Variants in CCNYL1 observed in about 807,000 individuals in gnomAD.
The protein encoded by CCNYL1 is cyclin Y like 1.
In CCNYL1, 16 loss-of-function variants were observed where a neutral mutation model predicts 44.2. The ratio of observed to expected loss-of-function variants is 0.36; its 90% CI spans 0.25 to 0.55. The LOEUF is 0.55. Among genes scored for constraint, CCNYL1 ranks in the 20% least tolerant of loss-of-function variants. The pLI is 0.85. For missense variants in CCNYL1, 348 were observed against 451.8 expected (o/e 0.77, Z 2.08); for synonymous variants, 159 against 163.2 (o/e 0.97, Z 0.20).
intron 3 of CCNYL1, among the ~76,000 whole-genome samples, chr2:207,730,748 A>G (rs778196264): frequency 4.6e-5 from 7 of 152,164 alleles, no homozygotes; most frequent in Non-Finnish European, 1.0e-4. Flanking sequence ...ACAGAGCAAG[A>G]CTCTGTTTAA....
chr2:207,752,082 A>G (rs58297682), intron 9 of CCNYL1, among the ~76,000 whole-genome samples: 4,246 of 151,836 alleles, frequency 0.028, 203 homozygotes, highest in African/African-American at 0.097. Context: ...AATTTTATCT[A>G]CATACATAAT....
rs527813425 is a variant in CCNYL1, at chr2:207,715,352, C to T, written c.220+3236C>T. 1.8e-3 allele frequency among the ~76,000 whole-genome samples: 278 copies of T among 150,346 alleles called. 1 individual carries two copies. The highest frequency in any genetic ancestry group is 3.0e-3 in the Non-Finnish European group (206 of 67,808). ...TTAGACAAAAATCATACATAAATGA[C>T]GCTCGGCTTTGTTCTTCAAGCTATT... On this transcript the variant is annotated intron_variant, in intron 1 of 9. Coordinates refer to ENST00000295414, the MANE Select transcript of CCNYL1 (RefSeq NM_001330218.2).
chr2:207,754,041 A>AAAG lies in CCNYL1; in HGVS notation c.*345_*347dup, dbSNP rs2091913799. 5.5e-6 allele frequency: 1 copy of AAAG among 180,630 alleles called. No individual in the cohort carries two copies. Among genetic ancestry groups the AAAG allele is most frequent in the Non-Finnish European group, 1.1e-5 (1 of 86,958 alleles). 11.2% of individuals were successfully genotyped at this position (180,630 alleles called of 1,614,324 possible). ...ACAATAGTTTAAATTTTTAGACTTT[A>AAAG]AAGACACTAACCATATAACTTTTAT... On this transcript the variant is annotated 3_prime_UTR_variant, in exon 10 of 10. Coordinates refer to ENST00000295414, the MANE Select transcript of CCNYL1 (RefSeq NM_001330218.2).
intron 7 of CCNYL1, among the ~76,000 whole-genome samples, chr2:207,744,123 C>T (rs1293262539): frequency 6.6e-6 from 1 of 152,104 alleles, no homozygotes; most frequent in Non-Finnish European, 1.5e-5. Context: ...TCAGGAAGAA[C>T]CTCTCTAGAG....
Position 207,754,470 on chromosome 2 carries a change from T to C in CCNYL1, c.*772T>C, listed in dbSNP as rs186055266. On this transcript the variant is annotated 3_prime_UTR_variant, in exon 10 of 10. Transcript: ENST00000295414. ...TAAATAAATGTATTAAAAGATATTT[T>C]CATAATGCCAACCAACATGGTGGTT... 6.5e-6 allele frequency: 1 copy of C among 152,780 alleles called. No homozygotes were observed. Among genetic ancestry groups the C allele is most frequent in the East Asian group, 1.9e-4 (1 of 5,192 alleles). The allele number at this position is 152,780 out of a possible 1,614,324, so 9.5% of individuals were successfully genotyped here.
chr2:207,719,518 C>G (rs1164608381), intron 1 of CCNYL1, among the ~76,000 whole-genome samples: 1 of 152,082 alleles, frequency 6.6e-6, no homozygotes, highest in Non-Finnish European at 1.5e-5. Flanking sequence ...CCAGGCTGGT[C>G]TTGAATTCCT....
intron 1 of CCNYL1, among the ~76,000 whole-genome samples, chr2:207,719,323 TGGA>T (rs2091622036): frequency 1.5e-5 from 2 of 134,728 alleles, no homozygotes; most frequent in Admixed American, 8.6e-5. Flanking sequence ...TTTTTTGAGA[TGGA>T]GTCTAGTTCT....
chr2:207,731,458 A>G lies in CCNYL1; in HGVS notation c.331-2489A>G, dbSNP rs535731757. 4.6e-5 allele frequency among the ~76,000 whole-genome samples: 7 copies of G among 152,068 alleles called. No individual in the cohort carries two copies. The East Asian group carries it at 1.4e-3, about 29-fold the overall frequency. Reference sequence around the variant, plus strand: ...GATGAATGATATATTCTTTGTCCCTATTTTGTGACTACCTGAAATGACATC... The same window carrying G: ...GATGAATGATATATTCTTTGTCCCTGTTTTGTGACTACCTGAAATGACATC... On this transcript the variant is annotated intron_variant, in intron 3 of 9. Transcript: ENST00000295414.
chr2:207,723,993 A>C (rs1450120912), intron 1 of CCNYL1, among the ~76,000 whole-genome samples: 1 of 151,910 alleles, frequency 6.6e-6, no homozygotes, highest in East Asian at 1.9e-4. Flanking sequence ...AAAATTCAAG[A>C]GTCTGTTTTG....
At chr2:207,712,646 A>G (rs2091560117) in intron 1 of CCNYL1, among the ~76,000 whole-genome samples, 1 of 152,152 alleles carries the variant, frequency 6.6e-6, no homozygotes, top group South Asian at 2.1e-4. Flanking sequence ...TAGACTCAAA[A>G]TAGAGGTTGC....
intron 7 of CCNYL1, among the ~76,000 whole-genome samples, chr2:207,743,825 T>TTTTTG (rs1398140765): frequency 6.6e-6 from 1 of 151,942 alleles, no homozygotes; most frequent in African/African-American, 2.4e-5. Flanking sequence ...TTTGTTTTTG[T>TTTTTG]TTTTGTTTTG....
At chr2:207,736,642 T>TA (rs1238576942) in intron 4 of CCNYL1, among the ~76,000 whole-genome samples, 1 of 152,212 alleles carries the variant, frequency 6.6e-6, no homozygotes, top group African/African-American at 2.4e-5. Context: ...TTATTTGGTA[T>TA]AAAACACTTT....
At chr2:207,738,579 T>C (rs893738602) in intron 5 of CCNYL1, among the ~76,000 whole-genome samples, 1 of 152,130 alleles carries the variant, frequency 6.6e-6, no homozygotes, top group Non-Finnish European at 1.5e-5. Flanking sequence ...ATGGTTACAG[T>C]GGAATTTTGT....
At chr2:207,741,374 A>G (rs970857446) in intron 6 of CCNYL1, among the ~76,000 whole-genome samples, 3 of 152,224 alleles carry the variant, frequency 2.0e-5, no homozygotes, top group Admixed American at 6.5e-5. Flanking sequence ...GGAAAGGAAC[A>G]TAAAAATTTT....
chr2:207,740,854 G>T, intron 6 of CCNYL1, 148 bp downstream of exon 6: 1 of 620,634 alleles, frequency 1.6e-6, no homozygotes, highest in Non-Finnish European at 2.8e-6. Flanking sequence ...TTAAAATGGT[G>T]TAAACATTTA....
intron 6 of CCNYL1, among the ~76,000 whole-genome samples, chr2:207,741,259 A>T (rs557602136): frequency 6.6e-6 from 1 of 152,210 alleles, no homozygotes; most frequent in East Asian, 1.9e-4. Context: ...TCTCAAAAAA[A>T]AAAAATTTTT....
intron 1 of CCNYL1, among the ~76,000 whole-genome samples, chr2:207,713,313 T>C (rs2091568181): frequency 6.6e-6 from 1 of 152,090 alleles, no homozygotes; most frequent in African/African-American, 2.4e-5. Context: ...AATGTAATGG[T>C]TTGGAAGTTA....
At position 207,737,430 on chromosome 2, in the gene CCNYL1, T is replaced by A; in HGVS notation, c.451T>A (p.Tyr151Asn). 1 of 1,610,826 alleles carries A rather than the reference T, an allele frequency of 6.2e-7. No individual in the cohort carries two copies. The change falls in exon 5 of 10, where the codon TAC (tyrosine) becomes AAC (asparagine). Residue 151 changes from tyrosine to asparagine, a missense_variant. By Grantham distance (143) the Tyr-to-Asn change is moderately radical (BLOSUM62 -2). Coordinates refer to ENST00000295414, the MANE Select transcript of CCNYL1 (RefSeq NM_001330218.2). Reference protein sequence around the residue: ...TVKCVTLAIYYHIKNRDANRS... With the variant: ...TVKCVTLAIYNHIKNRDANRS... Reference sequence around the variant, plus strand: ...TCACAGTGTGACCTTAGCAATATATTACCACATAAAGAACAGGTGAGCTCC... The same window carrying A: ...TCACAGTGTGACCTTAGCAATATATAACCACATAAAGAACAGGTGAGCTCC...
intron 3 of CCNYL1, among the ~76,000 whole-genome samples, chr2:207,730,722 C>T (rs1303187639): frequency 6.6e-6 from 1 of 152,132 alleles, no homozygotes; most frequent in Non-Finnish European, 1.5e-5. Flanking sequence ...TGCACCACTG[C>T]ACTCCAGCCT....
Sources: allele counts gnomAD v4.1 joint callset (sites outside exome capture counted in the v4.1 genomes callset), GRCh38; gene constraint gnomAD v4.1.1; transcripts MANE v1.5; gene names NCBI Gene and HGNC (gene_info 2026-07-23, HGNC 2026-07-21).